The following TENM3 variants were observed in gnomAD, a reference collection of about 807,000 sequenced individuals.
The protein encoded by TENM3 is teneurin transmembrane protein 3.
TENM3 carries 63 observed loss-of-function variants against 255.1 expected under a neutral mutation model. The observed-to-expected ratio is 0.25, with a 90% CI of 0.20 to 0.30. TENM3 has a LOEUF of 0.30. Among genes scored for constraint, TENM3 ranks in the 10% least tolerant of loss-of-function variants. TENM3 has a pLI of 1.00. For synonymous variants in TENM3, 1,306 were observed against 1,322.3 expected (o/e 0.99, Z 0.27); for missense variants, 2,929 against 3,461.1 (o/e 0.85, Z 3.86).
rs927701843 is a variant in TENM3, at chr4:182,801,005, A to G, written c.*654A>G. ...CTGATTTTTTTGTAAATTATGTGAGACAAGTTGTTTATGGATTTTTATATG... is the reference window on the plus strand; with the variant it reads ...CTGATTTTTTTGTAAATTATGTGAGGCAAGTTGTTTATGGATTTTTATATG... On this transcript the variant is annotated 3_prime_UTR_variant, in exon 28 of 28. Transcript: ENST00000511685. The G allele has an allele frequency of 6.5e-6, 1 of 152,672 alleles. No individual in the cohort carries two copies. Among genetic ancestry groups the G allele is most frequent in the African/African-American group, 2.4e-5 (1 of 41,470 alleles). 9.5% of individuals were successfully genotyped at this position (152,672 alleles called of 1,614,324 possible). A position where few individuals can be genotyped will look rare whatever the true frequency, so the allele number is the denominator to read the frequency against.
At chr4:182,775,231 C>T in intron 24 of TENM3, 78 bp downstream of exon 24, 1 of 1,244,516 alleles carries the variant, frequency 8.0e-7, no homozygotes, top group East Asian at 2.4e-5. Flanking sequence ...GGTTGCGTCT[C>T]CTGCTCACCC....
the TENM3 span, among the ~76,000 whole-genome samples, chr4:181,837,430 TAA>T: frequency 6.6e-6 from 1 of 152,340 alleles, no homozygotes; most frequent in South Asian, 2.1e-4. Context: ...TCACATTTAT[TAA>T]GTTTATTTTT....
chr4:182,432,641 T>C (rs187563106), intron 3 of TENM3, among the ~76,000 whole-genome samples: 59 of 152,128 alleles, frequency 3.9e-4, no homozygotes, highest in Admixed American at 9.8e-4. Context: ...GAAGGACAAA[T>C]AGGTGTTAGC....
the TENM3 span, among the ~76,000 whole-genome samples, chr4:181,960,831 C>A: frequency 2.6e-5 from 4 of 152,078 alleles, no homozygotes; most frequent in Non-Finnish European, 5.9e-5. Flanking sequence ...TTTAGAGTAC[C>A]AATTTCATTA....
intron 19 of TENM3, among the ~76,000 whole-genome samples, chr4:182,749,950 C>CACCAATTATATAT (rs1762258424): frequency 6.7e-6 from 1 of 149,480 alleles, no homozygotes; most frequent in African/African-American, 2.5e-5. Context: ...CCTGAAAGAC[C>CACCAATTATATAT]AGCTGTGTCA....
chr4:182,087,530 T>C, the TENM3 span, among the ~76,000 whole-genome samples: 1 of 152,160 alleles, frequency 6.6e-6, no homozygotes, highest in Non-Finnish European at 1.5e-5. Flanking sequence ...GGCTGTGTTT[T>C]GCCAACTTGC....
At chr4:181,778,579 T>C in the TENM3 span, among the ~76,000 whole-genome samples, 3 of 152,192 alleles carry the variant, frequency 2.0e-5, no homozygotes, top group Non-Finnish European at 2.9e-5. Context: ...CACTTTCTCC[T>C]AATGTTTCAT....
In TENM3 at chr4:182,153,929, A is replaced by G. The variant is rs796812730; in HGVS notation, c.-76+9175A>G. On this transcript the variant is annotated intron_variant, in intron 1 of 2. Transcript: ENST00000512480. ...CTCTATAATTCACTTTTAAAATTTTAAATGTTGAGGAAAGTGAAGTATAAA... is the reference window on the plus strand; with the variant it reads ...CTCTATAATTCACTTTTAAAATTTTGAATGTTGAGGAAAGTGAAGTATAAA... 3.4e-4 allele frequency among the ~76,000 whole-genome samples: 52 copies of G among 152,268 alleles called. 1 individual carries two copies. Among genetic ancestry groups the G allele is most frequent in the African/African-American group, 1.1e-3 (47 of 41,580 alleles).
chr4:181,473,207 C>G, the TENM3 span, among the ~76,000 whole-genome samples: 1 of 151,916 alleles, frequency 6.6e-6, no homozygotes, highest in Non-Finnish European at 1.5e-5. Context: ...CAAAATATTA[C>G]AATTTTAAAC....
chr4:181,625,706 C>T, the TENM3 span, among the ~76,000 whole-genome samples: 59,353 of 151,324 alleles, frequency 0.39, 12,083 homozygotes, highest in Non-Finnish European at 0.45. Flanking sequence ...CCCAGCCACT[C>T]GGGAGACTGA....
the TENM3 span, among the ~76,000 whole-genome samples, chr4:181,748,200 A>G: frequency 6.6e-6 from 1 of 152,114 alleles, no homozygotes; most frequent in Non-Finnish European, 1.5e-5. Flanking sequence ...GAACTGAATT[A>G]TTATTAAATT....
the TENM3 span, among the ~76,000 whole-genome samples, chr4:181,900,729 C>A: frequency 4.3e-3 from 662 of 152,320 alleles, 3 homozygotes; most frequent in African/African-American, 0.015. Context: ...AAAGAATAGG[C>A]TTCCGTCTTT....
chr4:182,715,538 A>C (rs1014593716), intron 13 of TENM3, among the ~76,000 whole-genome samples: 1 of 152,258 alleles, frequency 6.6e-6, no homozygotes, highest in African/African-American at 2.4e-5. Flanking sequence ...ATTGCCAGGC[A>C]CAGAGCCTGC....
intron 1 of TENM3, among the ~76,000 whole-genome samples, chr4:182,189,603 G>T (rs1263588874): frequency 1.3e-5 from 2 of 152,212 alleles, no homozygotes; most frequent in Non-Finnish European, 2.9e-5. Context: ...CCAGGCATAT[G>T]TCTGGGTGAG....
the TENM3 span, among the ~76,000 whole-genome samples, chr4:181,890,769 G>T: frequency 6.6e-6 from 1 of 152,062 alleles, no homozygotes. Flanking sequence ...GTGTCTGTAG[G>T]GTTGGTGAAG....
chr4:181,941,288 T>A, the TENM3 span, among the ~76,000 whole-genome samples: 1 of 148,234 alleles, frequency 6.7e-6, no homozygotes, highest in East Asian at 2.0e-4. Context: ...CTCTACTCTC[T>A]CTTTCCAGAA....
the TENM3 span, among the ~76,000 whole-genome samples, chr4:182,129,912 A>G: frequency 1.3e-5 from 2 of 152,132 alleles, no homozygotes; most frequent in Admixed American, 6.6e-5. Context: ...ACACAAATAC[A>G]TAAGTATATG....
At chr4:181,795,385 G>T in the TENM3 span, among the ~76,000 whole-genome samples, 1 of 152,000 alleles carries the variant, frequency 6.6e-6, no homozygotes, top group African/African-American at 2.4e-5. Context: ...TCTTATAAAG[G>T]CACTAATCCT....
intron 1 of TENM3, among the ~76,000 whole-genome samples, chr4:182,189,786 T>C (rs889442958): frequency 6.6e-6 from 1 of 152,210 alleles, no homozygotes; most frequent in African/African-American, 2.4e-5. Flanking sequence ...TGTGCTCAGA[T>C]AGCCCTGGCT....
Sources: gnomAD v4.1 joint callset for allele counts (sites outside exome capture counted in the v4.1 genomes callset) on GRCh38, gnomAD v4.1.1 for gene constraint, MANE v1.5 for transcripts, NCBI Gene and HGNC (gene_info 2026-07-23, HGNC 2026-07-21) for gene names.